The following SLCO3A1 variants were observed in gnomAD, a reference collection of about 807,000 sequenced individuals.
The protein encoded by SLCO3A1 is PGE1 transporter.
SLCO3A1 carries 27 observed loss-of-function variants against 63.1 expected under a neutral mutation model. The observed-to-expected ratio is 0.43, with a 90% confidence interval of 0.32 to 0.59. The LOEUF is 0.59. SLCO3A1 is among the 20% of genes least tolerant of loss of function. The pLI, the probability that SLCO3A1 is intolerant of heterozygous loss-of-function variation, is 0.09. For synonymous variants in SLCO3A1, 473 were observed against 409.9 expected (o/e 1.15, Z -1.86); for missense variants, 773 against 945.8 (o/e 0.82, Z 2.40).
intron 1 of SLCO3A1, among the ~76,000 whole-genome samples, chr15:91,895,245 G>A (rs1463749128): frequency 6.6e-6 from 1 of 152,226 alleles, no homozygotes; most frequent in Admixed American, 6.5e-5. Flanking sequence ...GTGTCTGGGA[G>A]AAATGAGACT....
intron 2 of SLCO3A1, among the ~76,000 whole-genome samples, chr15:91,923,804 C>T (rs572883965): frequency 1.3e-5 from 2 of 152,216 alleles, no homozygotes; most frequent in African/African-American, 4.8e-5. Flanking sequence ...ATAAATAAAC[C>T]TGCTTTTTAT....
In SLCO3A1 at chr15:91,924,166, C is replaced by G. The variant is rs8027502; in HGVS notation, c.646+7708C>G. 2.8e-4 allele frequency among the ~76,000 whole-genome samples: 42 copies of G among 152,304 alleles called. 1 individual carries two copies. The highest frequency in any genetic ancestry group is 9.6e-4 in the African/African-American group (40 of 41,578). ...TCCACATCTGCTCAGGGGTCACAAT[C>G]TTAAGTGCTGAAGGGGTGCAGCTGA... is the stretch of plus-strand genomic sequence containing the variant. On this transcript the variant is annotated intron_variant, in intron 2 of 9. Transcript: ENST00000318445.
At position 91,912,412 on chromosome 15, in the gene SLCO3A1, T is replaced by A. The variant is rs2151377412; in HGVS notation, c.181-3581T>A. On this transcript the variant is annotated intron_variant, in intron 1 of 9. Transcript: ENST00000318445. This position sits in a 1 kb window ranked among gnomAD's most constrained non-coding sequence, Gnocchi z 5.0. ...TCAAGGAGGGAAAGACCGTACTACTTCCTGTCACCCCTGTGCGTTGCTCTG... is the reference window on the plus strand; with the variant it reads ...TCAAGGAGGGAAAGACCGTACTACTACCTGTCACCCCTGTGCGTTGCTCTG... Among the ~76,000 whole-genome samples the A allele has an allele frequency of 6.6e-6, 1 of 152,284 alleles. No homozygotes were observed. The highest frequency in any genetic ancestry group is 1.5e-5 in the Non-Finnish European group (1 of 68,022).
chr15:92,059,606 C>A (rs1418591307), intron 2 of SLCO3A1, among the ~76,000 whole-genome samples: 2 of 152,120 alleles, frequency 1.3e-5, no homozygotes, highest in Non-Finnish European at 2.9e-5. Context: ...ACACGAGGAG[C>A]CCAGGGCTGC....
At chr15:91,906,205 A>G (rs960540044) in intron 1 of SLCO3A1, among the ~76,000 whole-genome samples, 1 of 151,946 alleles carries the variant, frequency 6.6e-6, no homozygotes, top group Non-Finnish European at 1.5e-5. Flanking sequence ...ACATGATTGT[A>G]TTTAATGATA....
chr15:92,144,270 G>T (rs1183004059), intron 7 of SLCO3A1, among the ~76,000 whole-genome samples: 1 of 151,642 alleles, frequency 6.6e-6, no homozygotes, highest in East Asian at 1.9e-4. Context: ...ACAGGAGATA[G>T]CCAGAGAAAT....
chr15:91,982,979 G>C (rs1246208184), intron 2 of SLCO3A1, among the ~76,000 whole-genome samples: 3 of 152,248 alleles, frequency 2.0e-5, no homozygotes, highest in Non-Finnish European at 4.4e-5. Context: ...TTTACGGAAT[G>C]GCAGCCCCTG....
chr15:91,892,340 G>A (rs931970919), intron 1 of SLCO3A1, among the ~76,000 whole-genome samples: 6 of 152,170 alleles, frequency 3.9e-5, no homozygotes, highest in Non-Finnish European at 5.9e-5. Context: ...TTGGAGAAAA[G>A]CGCTAACAAA....
chr15:92,018,542 T>C (rs1375392605), intron 2 of SLCO3A1, among the ~76,000 whole-genome samples: 2 of 152,198 alleles, frequency 1.3e-5, no homozygotes, highest in African/African-American at 4.8e-5. Flanking sequence ...TTGGAAGCTC[T>C]GCATTTCAGA....
At chr15:91,988,936 T>G (rs1218914211) in intron 2 of SLCO3A1, among the ~76,000 whole-genome samples, 1 of 152,162 alleles carries the variant, frequency 6.6e-6, no homozygotes, top group Non-Finnish European at 1.5e-5. Flanking sequence ...ATCAACTATG[T>G]GTACAGTTTT....
At chr15:92,063,390 G>T (rs1182401955) in intron 2 of SLCO3A1, among the ~76,000 whole-genome samples, 1 of 152,166 alleles carries the variant, frequency 6.6e-6, no homozygotes, top group East Asian at 1.9e-4. Context: ...GCAAATCCCA[G>T]CTCTGCCACC....
At chr15:91,907,360 C>T (rs1177417976) in intron 1 of SLCO3A1, among the ~76,000 whole-genome samples, 1 of 152,044 alleles carries the variant, frequency 6.6e-6, no homozygotes, top group Non-Finnish European at 1.5e-5. Context: ...CACCCGCCAC[C>T]AAGCCTGGCT....
At chr15:92,119,916 G>A (rs1248150896) in intron 4 of SLCO3A1, among the ~76,000 whole-genome samples, 2 of 152,072 alleles carry the variant, frequency 1.3e-5, no homozygotes, top group Non-Finnish European at 2.9e-5. Flanking sequence ...TGGCAAGAAG[G>A]GGTTTTATTA....
At chr15:92,125,908 C>T (rs1246715220) in intron 5 of SLCO3A1, among the ~76,000 whole-genome samples, 153 bp from the exon 6 acceptor site, 1 of 151,928 alleles carries the variant, frequency 6.6e-6, no homozygotes, top group African/African-American at 2.4e-5. Flanking sequence ...AAATCAGGCC[C>T]TTCCTGAAGA....
At chr15:91,955,653 C>A (rs1283901665) in intron 2 of SLCO3A1, among the ~76,000 whole-genome samples, 1 of 152,198 alleles carries the variant, frequency 6.6e-6, no homozygotes, top group Non-Finnish European at 1.5e-5. Context: ...ATTTTCTTTC[C>A]AGCTGTGGAC....
intron 2 of SLCO3A1, among the ~76,000 whole-genome samples, chr15:91,996,900 A>C (rs2046198620): frequency 6.6e-6 from 1 of 152,222 alleles, no homozygotes; most frequent in Non-Finnish European, 1.5e-5. Flanking sequence ...GAAAAAACAC[A>C]AAAACCCTAA....
intron 8 of SLCO3A1, among the ~76,000 whole-genome samples, chr15:92,148,464 G>A (rs569594159): frequency 5.3e-5 from 8 of 152,280 alleles, no homozygotes; most frequent in South Asian, 4.2e-4. Context: ...AAGGCCTTGC[G>A]AATGTGCAGA....
Position 91,894,329 on chromosome 15 carries a change from T to C in SLCO3A1, c.181-21664T>C, listed in dbSNP as rs547289021. Among the ~76,000 whole-genome samples, 2 of 152,286 alleles carry C rather than the reference T, an allele frequency of 1.3e-5. No individual in the cohort carries two copies. The highest frequency in any genetic ancestry group is 4.1e-4 in the South Asian group (2 of 4,824). ...CCCATGGGGAGCCATTGGAAAATACTGAGTAACTTGCCATGATGTGACTTT... is the reference window on the plus strand; with the variant it reads ...CCCATGGGGAGCCATTGGAAAATACCGAGTAACTTGCCATGATGTGACTTT... On this transcript the variant is annotated intron_variant, in intron 1 of 9. Coordinates refer to ENST00000318445, the MANE Select transcript of SLCO3A1 (RefSeq NM_013272.4). The surrounding 1 kb of genome is among the most constrained non-coding windows in gnomAD (Gnocchi z 4.8).
chr15:91,946,992 G>A (rs915859063), intron 2 of SLCO3A1, among the ~76,000 whole-genome samples: 5 of 152,170 alleles, frequency 3.3e-5, no homozygotes, highest in South Asian at 4.1e-4. Flanking sequence ...TGGTGCTCAC[G>A]GAGGACTCTT....
Sources: allele counts gnomAD v4.1 joint callset (sites outside exome capture counted in the v4.1 genomes callset), GRCh38; gene constraint gnomAD v4.1.1; non-coding constraint Gnocchi (gnomAD v3.1); transcripts MANE v1.5; gene names NCBI Gene and HGNC (gene_info 2026-07-23, HGNC 2026-07-21).